UTS2B: variants seen among roughly 807,000 people sequenced by gnomAD.
The protein encoded by UTS2B is urotensin-2B.
A neutral mutation model predicts 19.2 loss-of-function variants in UTS2B; 21 were observed. The ratio of observed to expected loss-of-function variants is 1.09; its 90% CI spans 0.78 to 1.58. The LOEUF (loss-of-function observed/expected upper bound fraction) is 1.58. Ranked by LOEUF, UTS2B falls within the 40% of genes most tolerant of loss-of-function variation. The pLI, the probability that UTS2B is intolerant of heterozygous loss-of-function variation, is 0.00. For synonymous variants in UTS2B, 57 were observed against 50.2 expected (o/e 1.14, Z -0.58); for missense variants, 138 against 130.3 (o/e 1.06, Z -0.29).
intron 1 of UTS2B, chr3:191,329,672 G>C: frequency 6.2e-7 from 1 of 1,608,852 alleles, no homozygotes; most frequent in Non-Finnish European, 8.5e-7. Context: ...ACCCTGGCCC[G>C]GTATGGCTGA....
intron 3 of UTS2B, among the ~76,000 whole-genome samples, chr3:191,307,354 G>A (rs1717167086): frequency 6.6e-6 from 1 of 152,014 alleles, no homozygotes; most frequent in African/African-American, 2.4e-5. Flanking sequence ...AGGCATCTTA[G>A]CTTGAGACCT....
At chr3:191,331,899 G>T (rs562374104), upstream of UTS2B, among the ~76,000 whole-genome samples, 1 of 152,060 alleles carries the variant, frequency 6.6e-6, no homozygotes. Context: ...ATTTGAGAAG[G>T]GTTAGTAGTA....
intron 5 of UTS2B, among the ~76,000 whole-genome samples, chr3:191,280,808 T>C (rs1052776230): frequency 6.6e-6 from 1 of 152,156 alleles, no homozygotes; most frequent in Non-Finnish European, 1.5e-5. Context: ...ATCACATTTT[T>C]CCTCCCATAT....
At chr3:191,335,514 G>A (rs1711504561), upstream of UTS2B, among the ~76,000 whole-genome samples, 2 of 152,106 alleles carry the variant, frequency 1.3e-5, no homozygotes, top group African/African-American at 4.8e-5. Context: ...TGTTCCAGGT[G>A]TTTGAATTTA....
chr3:191,273,600 C>T (rs1230537958), intron 8 of UTS2B: 1 of 456,482 alleles, frequency 2.2e-6, no homozygotes, highest in Non-Finnish European at 4.4e-6. Flanking sequence ...GTGCTGCAAG[C>T]ATTGGACTCG....
At chr3:191,334,500 G>A (rs185459855), upstream of UTS2B, among the ~76,000 whole-genome samples, 907 of 152,178 alleles carry the variant, frequency 6.0e-3, 10 homozygotes, top group African/African-American at 0.02. Flanking sequence ...CACTGTTCTA[G>A]GCCAACTTCC....
At chr3:191,294,022 C>T (rs1269186388) in intron 4 of UTS2B, among the ~76,000 whole-genome samples, 1 of 151,730 alleles carries the variant, frequency 6.6e-6, no homozygotes, top group Non-Finnish European at 1.5e-5. Flanking sequence ...GCTGGAGAAT[C>T]GCTTGAACCT....
chr3:191,320,003 T>C (rs1300764195), intron 2 of UTS2B, among the ~76,000 whole-genome samples: 1 of 152,128 alleles, frequency 6.6e-6, no homozygotes, highest in Non-Finnish European at 1.5e-5. Flanking sequence ...TCAATACATA[T>C]TTCATGAGCA....
chr3:191,270,267 G>C (rs181492125), intron 8 of UTS2B, among the ~76,000 whole-genome samples: 2 of 152,284 alleles, frequency 1.3e-5, no homozygotes, highest in East Asian at 3.9e-4. Context: ...CACAACCATA[G>C]CTCACTGCAA....
chr3:191,291,513 C>T (rs767332322), intron 4 of UTS2B, among the ~76,000 whole-genome samples: 3 of 151,918 alleles, frequency 2.0e-5, no homozygotes, highest in African/African-American at 4.8e-5. Context: ...AGTGCAGTGG[C>T]GCCATCTCGG....
At chr3:191,295,302 T>C (rs1716828454) in intron 4 of UTS2B, among the ~76,000 whole-genome samples, 1 of 151,986 alleles carries the variant, frequency 6.6e-6, no homozygotes, top group African/African-American at 2.4e-5. Flanking sequence ...CTAAATCCAA[T>C]AAGCACTTGT....
At chr3:191,330,935 A>AT (rs1350921348), upstream of UTS2B, among the ~76,000 whole-genome samples, 2 of 152,118 alleles carry the variant, frequency 1.3e-5, no homozygotes. Flanking sequence ...TAGGCGTGAG[A>AT]TTTTAGCGTT....
intron 4 of UTS2B, among the ~76,000 whole-genome samples, chr3:191,301,397 T>A (rs1716994524): frequency 6.6e-6 from 1 of 152,186 alleles, no homozygotes; most frequent in South Asian, 2.1e-4. Context: ...ACTGTGAAGA[T>A]TCTTCAATGT....
In UTS2B at chr3:191,319,703, C is replaced by CAAA. The variant is rs10669169; in HGVS notation, c.-585-3267_-585-3265dup. 2.6e-3 allele frequency among the ~76,000 whole-genome samples: 344 copies of CAAA among 134,870 alleles called. 2 individuals are homozygous for CAAA. Among genetic ancestry groups the CAAA allele is most frequent in the East Asian group, 4.3e-3 (20 of 4,660 alleles). 88.5% of individuals were successfully genotyped at this position (134,870 alleles called of 152,430 possible). A position where few individuals can be genotyped will look rare whatever the true frequency, so the allele number is the denominator to read the frequency against. ...TGAAACCCTGTCTCTGCTAAAAATA[C>CAAA]AAAAAAAAAAAAAAATTAGCCAGGT... On this transcript the variant is annotated intron_variant, in intron 2 of 8. Coordinates refer to ENST00000340524, the MANE Select transcript of UTS2B (RefSeq NM_198152.5).
the UTS2B span, among the ~76,000 whole-genome samples, chr3:191,340,168 G>C: frequency 6.6e-6 from 1 of 152,156 alleles, no homozygotes; most frequent in Non-Finnish European, 1.5e-5. Context: ...CACAGGTCAG[G>C]ACATGAGGCT....
At chr3:191,279,300 G>A (rs1560133830) in intron 5 of UTS2B, among the ~76,000 whole-genome samples, 1 of 151,888 alleles carries the variant, frequency 6.6e-6, no homozygotes, top group Non-Finnish European at 1.5e-5. Flanking sequence ...AATACCAACA[G>A]AATATCAAAT....
At chr3:191,331,846 T>G (rs1717998201), upstream of UTS2B, among the ~76,000 whole-genome samples, 1 of 152,212 alleles carries the variant, frequency 6.6e-6, no homozygotes, top group African/African-American at 2.4e-5. Context: ...GGGTAAAACA[T>G]GTGCAAACAT....
At chr3:191,306,869 T>G (rs1576929000) in intron 3 of UTS2B, among the ~76,000 whole-genome samples, 2 of 152,172 alleles carry the variant, frequency 1.3e-5, no homozygotes, top group African/African-American at 4.8e-5. Flanking sequence ...TGACCTCAAG[T>G]GATCCGCCTG....
At chr3:191,303,875 G>A (rs1043921201) in intron 4 of UTS2B, among the ~76,000 whole-genome samples, 20 of 128,858 alleles carry the variant, frequency 1.6e-4, no homozygotes, top group Admixed American at 3.1e-4. Context: ...TGTGGTCAGA[G>A]AACAGGATGA....
Sources: allele counts gnomAD v4.1 joint callset (sites outside exome capture counted in the v4.1 genomes callset), GRCh38; gene constraint gnomAD v4.1.1; transcripts MANE v1.5; gene names NCBI Gene and HGNC (gene_info 2026-07-23, HGNC 2026-07-21).